Variants in DOCK4 observed in about 807,000 individuals in gnomAD.
DOCK4 encodes dedicator of cytokinesis 4.
DOCK4 carries 97 observed loss-of-function variants against 268.1 expected under a neutral mutation model. That is an observed-to-expected ratio of 0.36 (90% CI 0.31 to 0.43). DOCK4 has a LOEUF of 0.43. Among genes scored for constraint, DOCK4 ranks in the 20% least tolerant of loss-of-function variants. The probability of loss-of-function intolerance (pLI) is 1.00; values close to 1 mark genes in which losing one functional copy is unlikely to be tolerated. For missense variants in DOCK4, 2,145 were observed against 2,455.7 expected, an observed-to-expected ratio of 0.87 and a Z score of 2.67; for synonymous variants, 954 against 887.2, an observed-to-expected ratio of 1.08 and a Z score of -1.34.
intron 1 of DOCK4, among the ~76,000 whole-genome samples, chr7:112,196,589 G>A (rs757745315): frequency 1.3e-3 from 196 of 152,312 alleles, no homozygotes; most frequent in Non-Finnish European, 1.8e-3. Flanking sequence ...GCTTCCGGCA[G>A]TAAATGGCGT....
intron 1 of DOCK4, among the ~76,000 whole-genome samples, chr7:112,181,746 A>C (rs933209234): frequency 1.3e-5 from 2 of 152,108 alleles, no homozygotes; most frequent in African/African-American, 4.8e-5. Context: ...CTTAACAAGA[A>C]AGAGTAACAG....
intron 2 of DOCK4, among the ~76,000 whole-genome samples, chr7:112,003,384 T>C (rs1234725920): frequency 6.6e-6 from 1 of 152,028 alleles, no homozygotes; most frequent in Non-Finnish European, 1.5e-5. Flanking sequence ...GAAGACCCTG[T>C]CTCAAAGAAA....
intron 1 of DOCK4, among the ~76,000 whole-genome samples, chr7:112,010,353 A>G (rs1344197358): frequency 6.6e-6 from 1 of 152,202 alleles, no homozygotes; most frequent in Non-Finnish European, 1.5e-5. Context: ...TGGTACTGTC[A>G]TTTTGAAAGT....
Position 111,728,307 on chromosome 7 carries a change from G to A in DOCK4, c.5895C>T (p.Pro1965=), listed in dbSNP as rs1272140718. 2 of 1,509,802 alleles carry A rather than the reference G, an allele frequency of 1.3e-6. No homozygotes were observed. Among genetic ancestry groups the A allele is most frequent in the Non-Finnish European group, 1.8e-6 (2 of 1,130,230 alleles). The allele number at this position is 1,509,802 out of a possible 1,614,324, so 93.5% of individuals were successfully genotyped here. A position where few individuals can be genotyped will look rare whatever the true frequency, so the allele number is the denominator to read the frequency against. The change falls in exon 53 of 53, where the codon CCC becomes CCT. Residue 1965 remains proline (P), a synonymous_variant. Coordinates refer to ENST00000428084, the MANE Select transcript of DOCK4 (RefSeq NM_001363540.2). ...GAGAGACCTTGCGGGGCAGGGGCCT[G>A]GGCCGCGGGCCGGGGTCAGTCCTCC... is the stretch of plus-strand genomic sequence containing the variant. ...GARRTDPGPR[P]RPLPRKVSQL
intron 23 of DOCK4, 102 bp from the exon 24 acceptor site, chr7:111,847,228 T>G: frequency 7.1e-7 from 1 of 1,407,928 alleles, no homozygotes; most frequent in Non-Finnish European, 9.7e-7. Flanking sequence ...TGCTAAATTA[T>G]TAACACATGT....
intron 22 of DOCK4, among the ~76,000 whole-genome samples, chr7:111,865,717 C>T (rs1297966860): frequency 6.6e-6 from 1 of 152,200 alleles, no homozygotes; most frequent in Non-Finnish European, 1.5e-5. Flanking sequence ...ATCACATGAG[C>T]TCTTAAAACA....
intron 16 of DOCK4, among the ~76,000 whole-genome samples, chr7:111,893,558 T>C (rs1808471372): frequency 6.6e-6 from 1 of 152,216 alleles, no homozygotes; most frequent in South Asian, 2.1e-4. Context: ...AAATTGAAGC[T>C]CAAGACATTG....
At chr7:111,972,349 T>C (rs1797785113) in intron 8 of DOCK4, among the ~76,000 whole-genome samples, 1 of 151,900 alleles carries the variant, frequency 6.6e-6, no homozygotes, top group Admixed American at 6.6e-5. Context: ...TTAGAGAAGC[T>C]TGGTCACCTT....
intron 12 of DOCK4, among the ~76,000 whole-genome samples, chr7:111,934,616 G>A (rs1380209526): frequency 7.2e-6 from 1 of 139,510 alleles, no homozygotes; most frequent in Non-Finnish European, 1.5e-5. Flanking sequence ...TGCAAGCTCC[G>A]CCTTCCAGGT....
At chr7:111,737,659 C>T (rs556865895) in intron 49 of DOCK4, among the ~76,000 whole-genome samples, 2 of 152,210 alleles carry the variant, frequency 1.3e-5, no homozygotes, top group Admixed American at 1.3e-4. Context: ...ATAGAAGGTA[C>T]CAAGTCCTTA....
chr7:111,887,083 C>G (rs1807911607), intron 16 of DOCK4, among the ~76,000 whole-genome samples: 1 of 152,172 alleles, frequency 6.6e-6, no homozygotes, highest in African/African-American at 2.4e-5. Context: ...CTAATACTCA[C>G]CTCTGGTTTA....
chr7:112,044,990 C>G (rs1470683632), intron 1 of DOCK4, among the ~76,000 whole-genome samples: 1 of 152,124 alleles, frequency 6.6e-6, no homozygotes, highest in Non-Finnish European at 1.5e-5. Context: ...TCATGTCTCT[C>G]CTCTACTCAG....
rs916731877 is a variant in DOCK4, at chr7:111,728,198, C to T, written c.*76G>A. 5 of 1,179,996 alleles carry T rather than the reference C, an allele frequency of 4.2e-6. No individual in the cohort carries two copies. The African/African-American group carries it at 6.2e-5, about 15-fold the overall frequency. The allele number at this position is 1,179,996 out of a possible 1,614,324, so 73.1% of individuals were successfully genotyped here. On this transcript the variant is annotated 3_prime_UTR_variant, in exon 53 of 53. Coordinates refer to ENST00000428084, the MANE Select transcript of DOCK4 (RefSeq NM_001363540.2). ...GCTGAGTAAGTTATTAAAGTGCCTACACTAAATGTCTTCTCATCATACTTC... is the reference window on the plus strand; with the variant it reads ...GCTGAGTAAGTTATTAAAGTGCCTATACTAAATGTCTTCTCATCATACTTC...
chr7:111,809,467 A>G, intron 28 of DOCK4, 66 bp from the exon 29 acceptor site: 1 of 1,378,524 alleles, frequency 7.3e-7, no homozygotes. Context: ...GAAGTGACAT[A>G]GTATTTTGGA....
At chr7:112,070,067 A>G (rs1240814777) in intron 1 of DOCK4, among the ~76,000 whole-genome samples, 2 of 152,224 alleles carry the variant, frequency 1.3e-5, no homozygotes, top group Non-Finnish European at 2.9e-5. Context: ...GATGAGAATC[A>G]CAACTCAACA....
intron 30 of DOCK4, among the ~76,000 whole-genome samples, chr7:111,794,651 G>A (rs1586007498): frequency 6.6e-6 from 1 of 152,264 alleles, no homozygotes; most frequent in East Asian, 1.9e-4. Context: ...CCTATGGCAG[G>A]CACTGCTCTG....
At chr7:111,803,407 C>T (rs927698301) in intron 30 of DOCK4, among the ~76,000 whole-genome samples, 7 of 152,164 alleles carry the variant, frequency 4.6e-5, no homozygotes, top group Admixed American at 1.3e-4. Flanking sequence ...TTCTCTACCT[C>T]TAATTGTTGG....
chr7:111,970,074 T>C (rs1797586209), intron 8 of DOCK4, among the ~76,000 whole-genome samples: 1 of 152,188 alleles, frequency 6.6e-6, no homozygotes, highest in Admixed American at 6.5e-5. Context: ...GGATCTTTCC[T>C]GTCAATTCTT....
At chr7:111,777,490 T>C (rs1585954415) in intron 36 of DOCK4, among the ~76,000 whole-genome samples, 2 of 152,224 alleles carry the variant, frequency 1.3e-5, no homozygotes, top group African/African-American at 2.4e-5. Context: ...GGTCTGACTA[T>C]TGAAAGGCAA....
Sources: allele counts gnomAD v4.1 joint callset (sites outside exome capture counted in the v4.1 genomes callset), GRCh38; gene constraint gnomAD v4.1.1; transcripts MANE v1.5; gene names NCBI Gene and HGNC (gene_info 2026-07-23, HGNC 2026-07-21).